Variants in HDAC8 observed in about 807,000 individuals in gnomAD.
The protein encoded by HDAC8 is histone deacetylase 8, also known as histone deacetylase-like 1.
In HDAC8, 1 loss-of-function variant was observed where a neutral mutation model predicts 32.2. The observed-to-expected ratio is 0.03, with a 90% confidence interval of 0.01 to 0.15. The LOEUF (loss-of-function observed/expected upper bound fraction) is 0.15. Among genes scored for constraint, HDAC8 ranks in the 10% least tolerant of loss-of-function variants. The pLI is 1.00. For missense variants in HDAC8, 117 were observed against 300.0 expected (o/e 0.39, Z 4.51); for synonymous variants, 108 against 113.9 (o/e 0.95, Z 0.33).
chrX:72,388,434 C>A (rs1349273212), intron 9 of HDAC8, among the ~76,000 whole-genome samples: 1 of 109,877 alleles, frequency 9.1e-6, no homozygotes, highest in Non-Finnish European at 1.9e-5. Flanking sequence ...CTTTGGTAAG[C>A]CTTTGCTCTC....
intron 9 of HDAC8, among the ~76,000 whole-genome samples, chrX:72,442,409 C>G (rs1468845213): frequency 9.0e-6 from 1 of 111,408 alleles, no homozygotes; most frequent in East Asian, 2.8e-4. Context: ...GAATTTTCAA[C>G]CCAGAATTTC....
At chrX:72,406,400 T>C (rs1424564686) in intron 9 of HDAC8, among the ~76,000 whole-genome samples, 2 of 111,491 alleles carry the variant, frequency 1.8e-5, no homozygotes, top group African/African-American at 3.3e-5. Context: ...GGCTAAGTTT[T>C]GTATTTTTTT....
rs187495180 is a variant in HDAC8 at position 72,469,123 on chromosome X, A to C, written c.738-4392T>G. 3.8e-5 allele frequency among the ~76,000 whole-genome samples: 4 copies of C among 104,388 alleles called. No homozygotes were observed. In the East Asian group the frequency reaches 1.3e-3, roughly 33 times the overall value. 90.6% of individuals were successfully genotyped at this position (104,388 alleles called of 115,157 possible). ...CCAATTCCTATTGTATTTGGTCTTT[A>C]TTCTTACTGTAACTCCTATTCCCTA... On this transcript the variant is annotated intron_variant, in intron 7 of 10. Coordinates refer to ENST00000373573, the MANE Select transcript of HDAC8 (RefSeq NM_018486.3).
intron 4 of HDAC8, among the ~76,000 whole-genome samples, chrX:72,526,523 G>T (rs1337398197): frequency 3.6e-5 from 4 of 111,279 alleles, no homozygotes; most frequent in Non-Finnish European, 7.5e-5. Context: ...ATTCACCTTT[G>T]TAACTCCAGG....
chrX:72,477,166 G>GA (rs1369755925), intron 7 of HDAC8, among the ~76,000 whole-genome samples: 2 of 111,752 alleles, frequency 1.8e-5, no homozygotes, highest in African/African-American at 6.5e-5. Context: ...CCTGGATAGC[G>GA]ATGCCCTTGG....
At chrX:72,566,571 T>C (rs2051798809) in intron 4 of HDAC8, among the ~76,000 whole-genome samples, 1 of 111,926 alleles carries the variant, frequency 8.9e-6, no homozygotes, top group Non-Finnish European at 1.9e-5. Context: ...TGTGCTGTGT[T>C]TTATTCTGAA....
chrX:72,413,514 C>T (rs1257864121), intron 9 of HDAC8, among the ~76,000 whole-genome samples: 3 of 111,066 alleles, frequency 2.7e-5, no homozygotes, highest in African/African-American at 9.8e-5. Context: ...ATAAGGAAAG[C>T]TTTGTCTTGC....
chrX:72,342,073 G>A (rs182494191), intron 10 of HDAC8, among the ~76,000 whole-genome samples: 43 of 112,393 alleles, frequency 3.8e-4, no homozygotes, highest in African/African-American at 1.4e-3. Context: ...TGGGCAAGCA[G>A]GACTAATTTG....
intron 9 of HDAC8, among the ~76,000 whole-genome samples, chrX:72,433,846 G>T (rs912917891): frequency 8.9e-6 from 1 of 112,114 alleles, no homozygotes; most frequent in Non-Finnish European, 1.9e-5. Context: ...CCTCTTCCTG[G>T]TTGTCAGGAT....
intron 9 of HDAC8, among the ~76,000 whole-genome samples, chrX:72,457,819 C>T (rs1442260390): frequency 8.9e-6 from 1 of 111,746 alleles, no homozygotes; most frequent in Non-Finnish European, 1.9e-5. Context: ...TGCAAGAAGG[C>T]TGTTTTTTTA....
At chrX:72,404,953 C>CTAT (rs1159775139) in intron 9 of HDAC8, among the ~76,000 whole-genome samples, 10 of 110,222 alleles carry the variant, frequency 9.1e-5, no homozygotes, top group Admixed American at 3.9e-4. Context: ...AATATTCTTC[C>CTAT]TATTATTATT....
In HDAC8 at chrX:72,384,258, T is replaced by C. The variant is rs782350001; in HGVS notation, c.1006-32420A>G. The stretch of plus-strand genomic sequence containing the variant: ...AGTTTTAGGGACACCACAACTTTGG[T>C]AGGAGGGTCTAAGCTATTTAGCATG... On this transcript the variant is annotated intron_variant, in intron 9 of 10. Transcript: ENST00000373573. 8.9e-5 allele frequency among the ~76,000 whole-genome samples: 10 copies of C among 112,215 alleles called. No individual in the cohort carries two copies. The East Asian group carries it at 2.8e-3, about 31-fold the overall frequency.
intron 4 of HDAC8, among the ~76,000 whole-genome samples, chrX:72,538,454 G>C (rs2050603044): frequency 9.0e-6 from 1 of 111,295 alleles, no homozygotes; most frequent in African/African-American, 3.3e-5. Flanking sequence ...AAAGTGCCAG[G>C]ATTACAGGTG....
At chrX:72,351,392 G>A (rs1487372039) in intron 10 of HDAC8, 1 of 218,051 alleles carries the variant, frequency 4.6e-6, no homozygotes, top group Non-Finnish European at 8.3e-6. Context: ...AAGCCACGGT[G>A]CCCGGCCAAC....
At chrX:72,526,120 T>C (rs1242872440) in intron 4 of HDAC8, among the ~76,000 whole-genome samples, 1 of 111,167 alleles carries the variant, frequency 9.0e-6, no homozygotes, top group Non-Finnish European at 1.9e-5. Context: ...TACCTGAACA[T>C]GGTATTTAAG....
chrX:72,491,118 A>G, intron 5 of HDAC8, 112 bp from the exon 6 acceptor site: 1 of 481,748 alleles, frequency 2.1e-6, no homozygotes. Flanking sequence ...GAAGGCAGCA[A>G]TATAAAACTA....
intron 9 of HDAC8, among the ~76,000 whole-genome samples, chrX:72,361,365 A>C (rs1291500985): frequency 8.9e-6 from 1 of 111,877 alleles, no homozygotes; most frequent in African/African-American, 3.2e-5. Flanking sequence ...GGGAAATGTT[A>C]TCTTAATGGA....
chrX:72,353,002 G>A (rs1461479681), intron 9 of HDAC8, among the ~76,000 whole-genome samples: 1 of 112,317 alleles, frequency 8.9e-6, no homozygotes, highest in African/African-American at 3.2e-5. Context: ...TTGTTAGGTG[G>A]TAAGTAAACC....
At chrX:72,506,183 A>G (rs2049385424) in intron 4 of HDAC8, among the ~76,000 whole-genome samples, 1 of 112,421 alleles carries the variant, frequency 8.9e-6, no homozygotes, top group African/African-American at 3.2e-5. Flanking sequence ...TGCCTAGACT[A>G]TGATAGAAGT....
Sources: gnomAD v4.1 joint callset for allele counts (sites outside exome capture counted in the v4.1 genomes callset) on GRCh38, gnomAD v4.1.1 for gene constraint, MANE v1.5 for transcripts, NCBI Gene and HGNC (gene_info 2026-07-23, HGNC 2026-07-21) for gene names.